The following HIKESHI variants were observed in gnomAD, a reference collection of about 807,000 sequenced individuals.
The protein encoded by HIKESHI is protein Hikeshi.
Under a neutral mutation model 25.7 loss-of-function variants are expected in HIKESHI, and 13 were observed. The ratio of observed to expected loss-of-function variants is 0.51; its 90% confidence interval spans 0.33 to 0.80. HIKESHI has a LOEUF of 0.80. Ranked by LOEUF, HIKESHI falls within the 30% of genes least tolerant of loss-of-function variation. HIKESHI has a pLI of 0.02. For missense variants in HIKESHI, 174 were observed against 229.5 expected, an observed-to-expected ratio of 0.76 and a Z score of 1.56; for synonymous variants, 76 against 78.7, an observed-to-expected ratio of 0.97 and a Z score of 0.18.
intron 2 of HIKESHI, among the ~76,000 whole-genome samples, chr11:86,314,678 A>G (rs781342097): frequency 2.2e-4 from 33 of 152,136 alleles, no homozygotes; most frequent in Admixed American, 1.3e-4. Context: ...TAAAGCTAAA[A>G]ATTGTTTAGA....
At chr11:86,320,000 T>A (rs151062918) in intron 2 of HIKESHI, among the ~76,000 whole-genome samples, 4 of 152,294 alleles carry the variant, frequency 2.6e-5, no homozygotes, top group African/African-American at 9.6e-5. Flanking sequence ...TACTGTTTTG[T>A]TACCCAGGGG....
intron 1 of HIKESHI, among the ~76,000 whole-genome samples, chr11:86,302,997 A>T (rs1946535720): frequency 6.6e-6 from 1 of 152,136 alleles, no homozygotes; most frequent in Admixed American, 6.5e-5. Flanking sequence ...ACCCGAGTAA[A>T]AATAAGCTTA....
At chr11:86,342,595 C>G (rs1232321586) in intron 3 of HIKESHI, among the ~76,000 whole-genome samples, 1 of 151,602 alleles carries the variant, frequency 6.6e-6, no homozygotes, top group African/African-American at 2.4e-5. Context: ...AAGATGTTGT[C>G]TTTCAGTTCT....
chr11:86,331,837 T>C (rs1434787607), intron 2 of HIKESHI, among the ~76,000 whole-genome samples: 7 of 152,178 alleles, frequency 4.6e-5, no homozygotes, highest in Admixed American at 4.6e-4. Flanking sequence ...TAGAAATACA[T>C]ATTTCTAAAT....
intron 3 of HIKESHI, among the ~76,000 whole-genome samples, chr11:86,340,864 T>C (rs7103304): frequency 0.62 from 94,234 of 152,012 alleles, 29,396 homozygotes; most frequent in East Asian, 0.79. Flanking sequence ...AGGCTGGTCT[T>C]GAACTCCTGA....
chr11:86,322,357 T>A (rs1381201822), intron 2 of HIKESHI, among the ~76,000 whole-genome samples: 1 of 152,164 alleles, frequency 6.6e-6, no homozygotes, highest in African/African-American at 2.4e-5. Flanking sequence ...ATCGTTTACA[T>A]GTTTTTAATA....
At chr11:86,340,842 A>G (rs1366302031) in intron 3 of HIKESHI, among the ~76,000 whole-genome samples, 1 of 152,084 alleles carries the variant, frequency 6.6e-6, no homozygotes, top group Non-Finnish European at 1.5e-5. Context: ...ATGGGGTTTC[A>G]CCATGTTGGT....
chr11:86,341,977 C>T (rs1191989068), intron 3 of HIKESHI, among the ~76,000 whole-genome samples: 1 of 152,060 alleles, frequency 6.6e-6, no homozygotes, highest in Non-Finnish European at 1.5e-5. Context: ...CATAGTGTGC[C>T]ATTGTATAAA....
chr11:86,344,270 G>T, intron 3 of HIKESHI: 1 of 200,378 alleles, frequency 5.0e-6, no homozygotes. Context: ...TCCCCAAAGT[G>T]AGTAGCATAT....
chr11:86,339,234 G>C (rs142142961), intron 3 of HIKESHI, among the ~76,000 whole-genome samples: 1 of 152,176 alleles, frequency 6.6e-6, no homozygotes, highest in African/African-American at 2.4e-5. Flanking sequence ...TTTTTTCGTA[G>C]AGATGGGGTT....
At chr11:86,310,191 T>C (rs1203293335) in intron 2 of HIKESHI, among the ~76,000 whole-genome samples, 6 of 147,878 alleles carry the variant, frequency 4.1e-5, no homozygotes, top group African/African-American at 7.5e-5. Flanking sequence ...ATTCGTCCTA[T>C]CCATGAGCAT....
intron 3 of HIKESHI, 83 bp from the exon 4 acceptor site, chr11:86,344,520 T>C (rs528066233): frequency 2.4e-6 from 2 of 844,874 alleles, no homozygotes; most frequent in South Asian, 2.0e-5. Context: ...AACAAGTTAA[T>C]GTGAGAACAC....
chr11:86,334,112 A>G (rs903855531), intron 2 of HIKESHI, among the ~76,000 whole-genome samples: 5 of 152,224 alleles, frequency 3.3e-5, no homozygotes, highest in African/African-American at 1.2e-4. Flanking sequence ...CATTTCAGCT[A>G]TATCTTAAAA....
chr11:86,326,550 A>T (rs564226846), intron 2 of HIKESHI: 91 of 456,262 alleles, frequency 2.0e-4, no homozygotes, highest in African/African-American at 1.7e-3. Context: ...TACTTTCAAC[A>T]TCTGCATGTG....
At chr11:86,323,640 G>C (rs1469587548) in intron 2 of HIKESHI, among the ~76,000 whole-genome samples, 4 of 152,184 alleles carry the variant, frequency 2.6e-5, no homozygotes, top group African/African-American at 9.7e-5. Flanking sequence ...ATTCCCTACA[G>C]GAGATGCTTA....
intron 2 of HIKESHI, among the ~76,000 whole-genome samples, chr11:86,313,971 G>T (rs535858689): frequency 6.6e-6 from 1 of 152,314 alleles, no homozygotes; most frequent in Non-Finnish European, 1.5e-5. Flanking sequence ...ATGTGAGAAA[G>T]ATAGGCATGG....
In HIKESHI at chr11:86,303,699, A is replaced by G. The variant is rs184756606; in HGVS notation, c.30+1221A>G. 1.2e-4 allele frequency among the ~76,000 whole-genome samples: 18 copies of G among 152,324 alleles called. No homozygotes were observed. The East Asian group carries it at 3.5e-3, about 29-fold the overall frequency. On this transcript the variant is annotated intron_variant, in intron 1 of 4. Coordinates refer to ENST00000278483, the MANE Select transcript of HIKESHI (RefSeq NM_016401.4). ...CTTGGTCCTTTAATTATGGAGTATT[A>G]GGACACATCAAAGTGAAGGACAAAT...
chr11:86,308,117 A>AT (rs1946713210), intron 2 of HIKESHI, among the ~76,000 whole-genome samples: 1 of 104,274 alleles, frequency 9.6e-6, no homozygotes, highest in South Asian at 2.8e-4. Context: ...CTATATATAC[A>AT]GTATACTATG....
chr11:86,334,236 A>ATGTGTGTGTGTGTGTG lies in HIKESHI; in HGVS notation c.269-3121_269-3106dup, dbSNP rs60951435. Among the ~76,000 whole-genome samples, 12 of 147,120 alleles carry ATGTGTGTGTGTGTGTG rather than the reference A, an allele frequency of 8.2e-5. No homozygotes were observed. In the South Asian group the frequency reaches 8.7e-4, roughly 11 times the overall value. On this transcript the variant is annotated intron_variant, in intron 2 of 4. Coordinates refer to ENST00000278483, the MANE Select transcript of HIKESHI (RefSeq NM_016401.4). Reference sequence around the variant, plus strand: ...TTCTTCTCAACATTCTTTGTAAAATATGTGTGTGTGTGTGTGTGTGTGTGT... The same window carrying ATGTGTGTGTGTGTGTG: ...TTCTTCTCAACATTCTTTGTAAAATATGTGTGTGTGTGTGTGTGTGTGTGTGTGTGTGTGTGTGTGT...
Sources: gnomAD v4.1 joint callset for allele counts (sites outside exome capture counted in the v4.1 genomes callset) on GRCh38, gnomAD v4.1.1 for gene constraint, MANE v1.5 for transcripts, NCBI Gene and HGNC (gene_info 2026-07-23, HGNC 2026-07-21) for gene names.